Variants in RASA2 observed in about 807,000 individuals in gnomAD.
RASA2 encodes the protein ras GTPase-activating protein 2.
RASA2 carries 155 observed loss-of-function variants against 118.2 expected under a neutral mutation model. The observed-to-expected ratio is 1.31, with a 90% CI of 1.15 to 1.50. RASA2 has a LOEUF of 1.50. RASA2 is among the 40% of genes most tolerant of loss of function. The pLI, the probability that RASA2 is intolerant of heterozygous loss-of-function variation, is 0.00. For missense variants in RASA2, 1,016 were observed against 1,009.6 expected (o/e 1.01, Z -0.09); for synonymous variants, 353 against 349.1 (o/e 1.01, Z -0.12).
chr3:141,552,841 C>T (rs988197477), intron 5 of RASA2, among the ~76,000 whole-genome samples: 1 of 152,182 alleles, frequency 6.6e-6, no homozygotes, highest in Non-Finnish European at 1.5e-5. Flanking sequence ...TACTCAACAG[C>T]TTGCATCTTT....
intron 11 of RASA2, among the ~76,000 whole-genome samples, chr3:141,572,077 CAT>C (rs1364751679): frequency 7.0e-6 from 1 of 142,126 alleles, no homozygotes; most frequent in East Asian, 2.0e-4. Context: ...CACACACACA[CAT>C]ATGTATTGAG....
chr3:141,488,255 C>T (rs2081602528), intron 1 of RASA2, among the ~76,000 whole-genome samples: 1 of 151,658 alleles, frequency 6.6e-6, no homozygotes, highest in Non-Finnish European at 1.5e-5. Flanking sequence ...TTGCATTTGT[C>T]GAAAATTAGC....
Position 141,585,729 on chromosome 3 carries a change from A to G in RASA2, c.1753-296A>G, listed in dbSNP as rs6440013. ...GCATGAGAATCACTTGAACCCAGGA[A>G]GGAGAGGTTGCAGTGAGCTGAGATT... is the stretch of plus-strand genomic sequence containing the variant. On this transcript the variant is annotated intron_variant, in intron 17 of 23. Transcript: ENST00000286364. Among the ~76,000 whole-genome samples the G allele has an allele frequency of 0.47, 71,249 of 152,030 alleles. 18,055 individuals carry two copies. Among genetic ancestry groups the G allele is most frequent in the African/African-American group, 0.68 (28,008 of 41,462 alleles).
intron 17 of RASA2, among the ~76,000 whole-genome samples, chr3:141,584,253 C>T (rs1466679291): frequency 6.8e-6 from 1 of 147,164 alleles, no homozygotes; most frequent in Non-Finnish European, 1.5e-5. Context: ...ATCACTTGAA[C>T]CTGAGAGGTG....
At chr3:141,598,278 A>G (rs2083407035) in intron 19 of RASA2, among the ~76,000 whole-genome samples, 1 of 152,230 alleles carries the variant, frequency 6.6e-6, no homozygotes, top group African/African-American at 2.4e-5. Context: ...GCAGTATATG[A>G]AAAGGACAAT....
chr3:141,538,558 G>A (rs191546561), intron 4 of RASA2, among the ~76,000 whole-genome samples: 4 of 152,106 alleles, frequency 2.6e-5, no homozygotes, highest in African/African-American at 9.6e-5. Context: ...CTTTTGCTAA[G>A]GATAGTATGT....
At chr3:141,567,856 A>G (rs989569712) in intron 9 of RASA2, among the ~76,000 whole-genome samples, 6 of 152,226 alleles carry the variant, frequency 3.9e-5, no homozygotes, top group South Asian at 2.1e-4. Flanking sequence ...ATAATAAAAG[A>G]AATATCAGTG....
In RASA2 at chr3:141,608,558, T is replaced by C; in HGVS notation, c.2086T>C (p.Trp696Arg). ...AAATAACTGTGTAGAAGCTAATGAA[T>C]GGATAGACGTACTCTGCAGGGTGAG... Reference protein sequence around the residue: ...QANNCVEANEWIDVLCRVSRC... With the variant: ...QANNCVEANERIDVLCRVSRC... The change falls in exon 21 of 24, where the codon TGG (tryptophan) becomes CGG (arginine). Residue 696 changes from tryptophan to arginine, a missense_variant. Trp to Arg is a moderately radical substitution (Grantham distance 101). Coordinates refer to ENST00000286364, the MANE Select transcript of RASA2 (RefSeq NM_006506.5). The C allele has an allele frequency of 1.2e-6, 2 of 1,614,020 alleles. No homozygotes were observed. Among genetic ancestry groups the C allele is most frequent in the Non-Finnish European group, 1.7e-6 (2 of 1,179,916 alleles).
intron 9 of RASA2, among the ~76,000 whole-genome samples, chr3:141,561,303 C>G (rs1456739344): frequency 6.6e-6 from 1 of 152,198 alleles, no homozygotes; most frequent in African/African-American, 2.4e-5. Context: ...TCAAAATGAA[C>G]TTGAAATGTG....
Position 141,614,800 on chromosome 3 carries a change from A to G in RASA2, c.*2487A>G, listed in dbSNP as rs1396616097. 1.3e-5 allele frequency: 2 copies of G among 152,212 alleles called. No individual in the cohort carries two copies. The highest frequency in any genetic ancestry group is 6.5e-5 in the Admixed American group (1 of 15,280). 9.4% of individuals were successfully genotyped at this position (152,212 alleles called of 1,614,324 possible). On this transcript the variant is annotated 3_prime_UTR_variant, in exon 24 of 24. Transcript: ENST00000286364. ...GGAATATAATTTATCAAATTGAACT[A>G]TTTTATTTGCCAAAGAAACTTGTTT... is the stretch of plus-strand genomic sequence containing the variant.
intron 11 of RASA2, among the ~76,000 whole-genome samples, chr3:141,572,059 TATACACAC>T (rs2082932035): frequency 8.2e-6 from 1 of 121,976 alleles, no homozygotes; most frequent in South Asian, 2.3e-4. Flanking sequence ...TATATATATA[TATACACAC>T]ACACACACAC....
At chr3:141,531,225 C>G (rs1048593085) in intron 4 of RASA2, among the ~76,000 whole-genome samples, 1 of 151,818 alleles carries the variant, frequency 6.6e-6, no homozygotes, top group East Asian at 1.9e-4. Flanking sequence ...AAAATTTAAA[C>G]TGAAATTTTA....
intron 9 of RASA2, among the ~76,000 whole-genome samples, chr3:141,567,924 T>A (rs1315516889): frequency 6.6e-6 from 1 of 152,200 alleles, no homozygotes; most frequent in African/African-American, 2.4e-5. Context: ...TTAGCAGGAC[T>A]TGGGTAACAG....
chr3:141,493,433 T>TA (rs900016050), intron 1 of RASA2, among the ~76,000 whole-genome samples: 8 of 152,150 alleles, frequency 5.3e-5, no homozygotes, highest in African/African-American at 1.9e-4. Context: ...ACCTGTGAAC[T>TA]AAAAAAATTA....
At chr3:141,521,523 AAAGGCCTTT>A (rs1256561197) in intron 3 of RASA2, among the ~76,000 whole-genome samples, 1 of 152,138 alleles carries the variant, frequency 6.6e-6, no homozygotes, top group Non-Finnish European at 1.5e-5. Flanking sequence ...TATTTCTTGA[AAAGGCCTTT>A]AAGGCCTTTT....
chr3:141,496,917 C>G (rs1177396947), intron 1 of RASA2, among the ~76,000 whole-genome samples: 1 of 152,118 alleles, frequency 6.6e-6, no homozygotes, highest in African/African-American at 2.4e-5. Context: ...AACCAACCCA[C>G]ATGTCCATCA....
chr3:141,502,418 T>C (rs2081797225), intron 1 of RASA2, among the ~76,000 whole-genome samples: 1 of 152,198 alleles, frequency 6.6e-6, no homozygotes, highest in Non-Finnish European at 1.5e-5. Flanking sequence ...CTTGGCATTT[T>C]AGGTTCTCTG....
intron 1 of RASA2, among the ~76,000 whole-genome samples, chr3:141,508,247 A>G (rs1008021731): frequency 6.6e-6 from 1 of 152,186 alleles, no homozygotes; most frequent in African/African-American, 2.4e-5. Context: ...AGGGAGTATA[A>G]GAAAAACCCT....
chr3:141,487,374 TG>T (rs2081590686), intron 1 of RASA2, among the ~76,000 whole-genome samples, 158 bp downstream of exon 1: 5 of 89,238 alleles, frequency 5.6e-5, no homozygotes, highest in Non-Finnish European at 1.2e-4. Context: ...GGGGGTGTGT[TG>T]GGGGGCGGCG....
Sources: gnomAD v4.1 joint callset for allele counts (sites outside exome capture counted in the v4.1 genomes callset) on GRCh38, gnomAD v4.1.1 for gene constraint, MANE v1.5 for transcripts, NCBI Gene and HGNC (gene_info 2026-07-23, HGNC 2026-07-21) for gene names.